The following DYM variants were observed in gnomAD, a reference collection of about 807,000 sequenced individuals.
The protein encoded by DYM is dyggve-Melchior-Clausen syndrome protein.
In DYM, 78 loss-of-function variants were observed where a neutral mutation model predicts 93.1. The observed-to-expected ratio is 0.84, with a 90% confidence interval of 0.70 to 1.01. The LOEUF is 1.01. DYM is among the 50% of genes least tolerant of loss of function. The probability of loss-of-function intolerance (pLI) is 0.00; values close to 1 mark genes in which losing one functional copy is unlikely to be tolerated. For synonymous variants in DYM, 321 were observed against 319.7 expected (o/e 1.00, Z -0.04); for missense variants, 789 against 845.0 (o/e 0.93, Z 0.82).
intron 17 of DYM, among the ~76,000 whole-genome samples, chr18:49,077,670 G>A (rs2077423256): frequency 6.6e-6 from 1 of 152,100 alleles, no homozygotes; most frequent in Admixed American, 6.5e-5. Context: ...ATGCACATTT[G>A]TGCCTGTTAT....
intron 8 of DYM, among the ~76,000 whole-genome samples, chr18:49,292,312 A>ACAGACAGACAGGCAGG (rs1491459614): frequency 9.9e-5 from 11 of 110,998 alleles, no homozygotes; most frequent in Non-Finnish European, 1.5e-4. Context: ...AGACAGACAG[A>ACAGACAGACAGGCAGG]CAGGCAGGCA....
chr18:49,220,356 TC>T (rs2093296697), intron 13 of DYM, among the ~76,000 whole-genome samples: 1 of 148,480 alleles, frequency 6.7e-6, no homozygotes, highest in Non-Finnish European at 1.5e-5. Flanking sequence ...TTCAATGCCA[TC>T]CCCATCAAGC....
At chr18:49,072,234 G>A (rs942005810) in intron 17 of DYM, among the ~76,000 whole-genome samples, 2 of 152,006 alleles carry the variant, frequency 1.3e-5, no homozygotes, top group Non-Finnish European at 2.9e-5. Flanking sequence ...CTAGTTTCAC[G>A]AAGTTTAAAC....
intron 15 of DYM, among the ~76,000 whole-genome samples, chr18:49,160,197 C>G (rs564748224): frequency 5.3e-5 from 8 of 152,152 alleles, no homozygotes; most frequent in South Asian, 2.1e-4. Flanking sequence ...TCTCTCCCCC[C>G]ACAGGCTTGA....
At chr18:49,390,186 T>TC (rs2069064683) in intron 3 of DYM, among the ~76,000 whole-genome samples, 1 of 151,970 alleles carries the variant, frequency 6.6e-6, no homozygotes, top group African/African-American at 2.4e-5. Context: ...ACTTTGGGGG[T>TC]CCAAGGTAGG....
At chr18:49,114,206 T>TA (rs1454739917) in intron 16 of DYM, among the ~76,000 whole-genome samples, 1 of 152,250 alleles carries the variant, frequency 6.6e-6, no homozygotes, top group African/African-American at 2.4e-5. Flanking sequence ...AGTGGGATAA[T>TA]AATCCTAGCT....
At chr18:49,423,688 G>C (rs1298226963) in intron 2 of DYM, among the ~76,000 whole-genome samples, 1 of 152,010 alleles carries the variant, frequency 6.6e-6, no homozygotes, top group Non-Finnish European at 1.5e-5. Context: ...GAATCAAATA[G>C]ACGCAATAAA....
At position 49,190,152 on chromosome 18, in the gene DYM, T is replaced by C. The variant is rs16950425; in HGVS notation, c.1625+19399A>G. ...ATAATGATGCTCTCTGACTTGACCA[T>C]TTAGGGATAGTAAGAAAAATTCAGA... On this transcript the variant is annotated intron_variant, in intron 14 of 17. Transcript: ENST00000675505. Among the ~76,000 whole-genome samples, 837 of 152,334 alleles carry C rather than the reference T, an allele frequency of 5.5e-3. 15 individuals are homozygous for C. The highest frequency in any genetic ancestry group is 0.019 in the African/African-American group (806 of 41,580).
chr18:49,413,794 G>A (rs1447412026), intron 2 of DYM, among the ~76,000 whole-genome samples: 3 of 152,160 alleles, frequency 2.0e-5, no homozygotes, highest in Admixed American at 2.0e-4. Context: ...CAGATCACTT[G>A]AGGTCAGGAG....
At chr18:49,163,124 A>G (rs1348344157) in intron 15 of DYM, among the ~76,000 whole-genome samples, 1 of 152,140 alleles carries the variant, frequency 6.6e-6, no homozygotes, top group Non-Finnish European at 1.5e-5. Flanking sequence ...GGGTTTCTCA[A>G]CTCAGATATA....
In DYM at chr18:49,040,892, T is replaced by C. The variant is rs2070886536; in HGVS notation, c.*3163A>G. On this transcript the variant is annotated 3_prime_UTR_variant, in exon 18 of 18. Transcript: ENST00000675505. ...ATTAACAATTCCAGTGCTTAAAAGT[T>C]TCCCTCACTAAATATTTCTCTTGGA... 6.6e-6 allele frequency among the ~76,000 whole-genome samples: 1 copy of C among 152,238 alleles called. No homozygotes were observed. Among genetic ancestry groups the C allele is most frequent in the Non-Finnish European group, 1.5e-5 (1 of 68,036 alleles).
intron 17 of DYM, among the ~76,000 whole-genome samples, chr18:49,056,748 CAT>C (rs1485313135): frequency 6.6e-6 from 1 of 151,784 alleles, no homozygotes; most frequent in Non-Finnish European, 1.5e-5. Flanking sequence ...GGGGTTTCAC[CAT>C]GTTAGCCAGG....
chr18:49,221,672 C>T (rs36131420), intron 13 of DYM, among the ~76,000 whole-genome samples: 47,591 of 151,836 alleles, frequency 0.31, 8,723 homozygotes, highest in Middle Eastern at 0.47. Context: ...AACCAAACAC[C>T]GCATGTTCTC....
intron 17 of DYM, among the ~76,000 whole-genome samples, chr18:49,075,077 G>C (rs73439679): frequency 0.025 from 3,774 of 152,198 alleles, 150 homozygotes; most frequent in African/African-American, 0.085. Context: ...CAGGAGGCCA[G>C]GAAACCTAGC....
At chr18:49,279,359 G>A (rs147430198) in intron 10 of DYM, among the ~76,000 whole-genome samples, 1 of 152,220 alleles carries the variant, frequency 6.6e-6, no homozygotes, top group East Asian at 1.9e-4. Context: ...AAAGACTGCA[G>A]AATAAAAGAA....
chr18:49,238,274 T>C (rs150014321), intron 13 of DYM, among the ~76,000 whole-genome samples: 143 of 152,310 alleles, frequency 9.4e-4, no homozygotes, highest in Non-Finnish European at 1.1e-3. Flanking sequence ...AAACTGTGCA[T>C]TTTAAGCTAT....
intron 11 of DYM, among the ~76,000 whole-genome samples, chr18:49,260,437 A>G (rs1215739469): frequency 6.6e-6 from 1 of 152,202 alleles, no homozygotes; most frequent in Non-Finnish European, 1.5e-5. Context: ...CAGAAACTAT[A>G]AGAGAAAAGT....
chr18:49,174,441 G>GGCTGT (rs1391082463), intron 14 of DYM, among the ~76,000 whole-genome samples: 1 of 152,116 alleles, frequency 6.6e-6, no homozygotes, highest in Non-Finnish European at 1.5e-5. Flanking sequence ...AGAATTCACA[G>GGCTGT]CCTGGTAATC....
At chr18:49,341,359 G>A (rs1383941561) in intron 6 of DYM, among the ~76,000 whole-genome samples, 1 of 152,150 alleles carries the variant, frequency 6.6e-6, no homozygotes, top group Admixed American at 6.5e-5. Context: ...GGGCATGGTG[G>A]CAGGCACCTG....
Sources: allele counts gnomAD v4.1 joint callset (sites outside exome capture counted in the v4.1 genomes callset), GRCh38; gene constraint gnomAD v4.1.1; transcripts MANE v1.5; gene names NCBI Gene and HGNC (gene_info 2026-07-23, HGNC 2026-07-21).